Variants in WDFY1 observed in about 807,000 individuals in gnomAD.
The protein encoded by WDFY1 is WD repeat and FYVE domain containing 1.
WDFY1 carries 32 observed loss-of-function variants against 56.4 expected under a neutral mutation model. The observed-to-expected ratio is 0.57, with a 90% confidence interval of 0.43 to 0.76. The LOEUF (loss-of-function observed/expected upper bound fraction) is 0.76. Ranked by LOEUF, WDFY1 falls within the 30% of genes least tolerant of loss-of-function variation. The probability of loss-of-function intolerance (pLI) is 0.00; values close to 1 mark genes in which losing one functional copy is unlikely to be tolerated. For missense variants in WDFY1, 480 were observed against 545.7 expected (o/e 0.88, Z 1.20); for synonymous variants, 192 against 197.3 (o/e 0.97, Z 0.23).
chr2:223,944,270 C>T lies in WDFY1; in HGVS notation c.137+878G>A, dbSNP rs536264300. On this transcript the variant is annotated intron_variant, in intron 1 of 11. Transcript: ENST00000233055. ...GGGCACCAGGGTCCGCAGTGACCAGCCGCCGGTCCTCCACGCTTCCAGAGG... is the reference window on the plus strand; with the variant it reads ...GGGCACCAGGGTCCGCAGTGACCAGTCGCCGGTCCTCCACGCTTCCAGAGG... 1.3e-4 allele frequency among the ~76,000 whole-genome samples: 20 copies of T among 152,328 alleles called. No homozygotes were observed. The South Asian group carries it at 3.9e-3, about 30-fold the overall frequency.
intron 1 of WDFY1, among the ~76,000 whole-genome samples, chr2:223,935,741 C>A (rs1407272535): frequency 1.3e-5 from 2 of 152,162 alleles, no homozygotes; most frequent in African/African-American, 4.8e-5. Context: ...TTGTAATTAA[C>A]TAGGCATCAT....
chr2:223,924,333 A>G (rs1693942726), intron 1 of WDFY1, among the ~76,000 whole-genome samples: 1 of 152,202 alleles, frequency 6.6e-6, no homozygotes, highest in African/African-American at 2.4e-5. Context: ...TGTTATACAT[A>G]TATAACTTAC....
chr2:223,899,495 A>T (rs1245774340), intron 5 of WDFY1, among the ~76,000 whole-genome samples: 1 of 152,346 alleles, frequency 6.6e-6, no homozygotes, highest in East Asian at 1.9e-4. Flanking sequence ...CTGTAATCTC[A>T]GCACTTTGGG....
chr2:223,936,005 A>C (rs148958494), intron 1 of WDFY1, among the ~76,000 whole-genome samples: 5 of 151,560 alleles, frequency 3.3e-5, no homozygotes, highest in South Asian at 2.1e-4. Context: ...TAAATGAGAG[A>C]TAGAAGGTGG....
At chr2:223,917,803 C>A (rs1369040864) in intron 2 of WDFY1, 140 bp downstream of exon 2, 3 of 834,022 alleles carry the variant, frequency 3.6e-6, no homozygotes, top group Middle Eastern at 4.8e-4. Flanking sequence ...AACTCCTGAC[C>A]CCAGGTGATC....
chr2:223,938,846 T>G (rs1211499601), intron 1 of WDFY1, among the ~76,000 whole-genome samples: 4 of 132,184 alleles, frequency 3.0e-5, no homozygotes, highest in African/African-American at 8.5e-5. Flanking sequence ...GAGGATAAAA[T>G]GTAAGCAGTA....
At chr2:223,880,268 G>A in intron 10 of WDFY1, 36 bp from the exon 11 acceptor site, 3 of 1,592,822 alleles carry the variant, frequency 1.9e-6, no homozygotes, top group Non-Finnish European at 2.6e-6. Flanking sequence ...AAATTTACTT[G>A]ACTGTACCTA....
At chr2:223,932,909 A>G (rs936155168) in intron 1 of WDFY1, among the ~76,000 whole-genome samples, 2 of 150,840 alleles carry the variant, frequency 1.3e-5, no homozygotes, top group Admixed American at 6.6e-5. Flanking sequence ...GATGGTTTCT[A>G]TAACATTAAG....
chr2:223,925,552 G>A (rs537268032), intron 1 of WDFY1, among the ~76,000 whole-genome samples: 1 of 152,318 alleles, frequency 6.6e-6, no homozygotes, highest in South Asian at 2.1e-4. Context: ...GGTTGGCGTG[G>A]CTGTGGCAAC....
intron 1 of WDFY1, among the ~76,000 whole-genome samples, chr2:223,935,680 A>G (rs192412671): frequency 2.2e-4 from 34 of 152,358 alleles, no homozygotes; most frequent in Non-Finnish European, 3.2e-4. Context: ...AGTACAGACT[A>G]TGTGGGAAGA....
At chr2:223,889,984 A>G (rs969022458) in intron 8 of WDFY1, among the ~76,000 whole-genome samples, 8 of 152,178 alleles carry the variant, frequency 5.3e-5, no homozygotes, top group African/African-American at 1.9e-4. Context: ...GTCAATGAGT[A>G]CACGCAGATC....
At chr2:223,933,172 A>G (rs564317849) in intron 1 of WDFY1, among the ~76,000 whole-genome samples, 1 of 152,206 alleles carries the variant, frequency 6.6e-6, no homozygotes, top group South Asian at 2.1e-4. Flanking sequence ...AAAAACAGAA[A>G]TTTCCATCCC....
At chr2:223,944,213 C>A (rs1689362630) in intron 1 of WDFY1, among the ~76,000 whole-genome samples, 2 of 152,190 alleles carry the variant, frequency 1.3e-5, no homozygotes, top group Non-Finnish European at 2.9e-5. Context: ...AGAGCGAAGG[C>A]GGCTGGAGTT....
intron 2 of WDFY1, 89 bp from the exon 3 acceptor site, chr2:223,912,415 A>C (rs1693720376): frequency 9.7e-7 from 1 of 1,027,354 alleles, no homozygotes; most frequent in African/African-American, 1.7e-5. Context: ...GATAAGAACT[A>C]TATAATTTAG....
At chr2:223,897,381 TATATATA>T (rs1559165972) in intron 6 of WDFY1, among the ~76,000 whole-genome samples, 12 of 56,400 alleles carry the variant, frequency 2.1e-4, no homozygotes, top group South Asian at 5.6e-4. Context: ...TATATATATA[TATATATA>T]TATTTTTTAA....
At chr2:223,915,720 AC>A (rs1693776366) in intron 2 of WDFY1, among the ~76,000 whole-genome samples, 1 of 152,010 alleles carries the variant, frequency 6.6e-6, no homozygotes, top group Non-Finnish European at 1.5e-5. Flanking sequence ...GCTACTTCCA[AC>A]TCTCAGATCT....
At chr2:223,915,694 C>T (rs942590262) in intron 2 of WDFY1, among the ~76,000 whole-genome samples, 8 of 152,202 alleles carry the variant, frequency 5.3e-5, no homozygotes, top group Non-Finnish European at 4.4e-5. Flanking sequence ...CACTGATACG[C>T]GTTCCTCAGG....
chr2:223,932,868 GA>G (rs71727456), intron 1 of WDFY1, among the ~76,000 whole-genome samples: 5,692 of 145,552 alleles, frequency 0.039, 341 homozygotes, highest in African/African-American at 0.13. Flanking sequence ...GGGGATACAG[GA>G]AAAAAAAAAA....
At chr2:223,914,869 T>A (rs1347220653) in intron 2 of WDFY1, among the ~76,000 whole-genome samples, 1 of 151,576 alleles carries the variant, frequency 6.6e-6, no homozygotes, top group Non-Finnish European at 1.5e-5. Flanking sequence ...TTCTGAAAGT[T>A]TTTTTTTTAT....
Sources: gnomAD v4.1 joint callset for allele counts (sites outside exome capture counted in the v4.1 genomes callset) on GRCh38, gnomAD v4.1.1 for gene constraint, MANE v1.5 for transcripts, NCBI Gene and HGNC (gene_info 2026-07-23, HGNC 2026-07-21) for gene names.